The following CFAP47 variants were observed in gnomAD, a reference collection of about 807,000 sequenced individuals.
CFAP47 encodes cilia and flagella associated protein 47, also known as cilia- and flagella-associated protein 47.
In CFAP47, 29 loss-of-function variants were observed where a neutral mutation model predicts 148.1. That is an observed-to-expected ratio of 0.20 (90% CI 0.15 to 0.27). The LOEUF is 0.27. Ranked by LOEUF, CFAP47 falls within the 10% of genes least tolerant of loss-of-function variation. The pLI is 1.00. For missense variants in CFAP47, 1,872 were observed against 1,697.5 expected, an observed-to-expected ratio of 1.10 and a Z score of -1.81; for synonymous variants, 664 against 577.3, an observed-to-expected ratio of 1.15 and a Z score of -2.15.
chrX:36,311,748 C>T (rs148790899), intron 56 of CFAP47, among the ~76,000 whole-genome samples: 106 of 110,886 alleles, frequency 9.6e-4, no homozygotes, highest in African/African-American at 3.4e-3. Context: ...ACCTATTTTC[C>T]AGAACTGTGT....
chrX:36,216,132 T>A (rs891998900), intron 45 of CFAP47, among the ~76,000 whole-genome samples: 6 of 112,087 alleles, frequency 5.4e-5, no homozygotes, highest in African/African-American at 1.9e-4. Flanking sequence ...ATAGAATATC[T>A]GTGTGTCAGT....
intron 48 of CFAP47, among the ~76,000 whole-genome samples, chrX:36,250,951 A>C (rs1940683844): frequency 9.0e-6 from 1 of 111,180 alleles, no homozygotes; most frequent in African/African-American, 3.3e-5. Flanking sequence ...ATATTGATGT[A>C]GAAATTTATT....
intron 8 of CFAP47, among the ~76,000 whole-genome samples, chrX:35,958,388 C>T (rs6632434): frequency 0.098 from 10,815 of 110,867 alleles, 509 homozygotes; most frequent in East Asian, 0.29. Context: ...TGTTGAAATA[C>T]ACCTAAGAGT....
intron 62 of CFAP47, among the ~76,000 whole-genome samples, chrX:36,370,860 G>A (rs1468305205): frequency 9.0e-6 from 1 of 110,825 alleles, no homozygotes; most frequent in Admixed American, 9.7e-5. Context: ...GAAAAGGAAC[G>A]ACCCCCTGTC....
intron 33 of CFAP47, among the ~76,000 whole-genome samples, chrX:36,120,740 A>AT (rs59745709): frequency 0.11 from 11,289 of 102,617 alleles, 1,189 homozygotes; most frequent in African/African-American, 0.32. Flanking sequence ...GATATGATTC[A>AT]TTTTTTTTTT....
chrX:36,362,479 G>T (rs782774272), intron 61 of CFAP47, among the ~76,000 whole-genome samples: 46 of 112,710 alleles, frequency 4.1e-4, no homozygotes, highest in African/African-American at 1.3e-3. Flanking sequence ...ATCCATGGAA[G>T]GAGGACATGG....
intron 46 of CFAP47, among the ~76,000 whole-genome samples, chrX:36,232,459 A>G (rs1242632386): frequency 2.8e-4 from 31 of 111,357 alleles, no homozygotes; most frequent in African/African-American, 1.0e-3. Context: ...TGGTGGTGAT[A>G]TCCCCTTTAT....
intron 57 of CFAP47, among the ~76,000 whole-genome samples, chrX:36,345,621 C>T (rs1428154777): frequency 9.0e-6 from 1 of 111,601 alleles, no homozygotes; most frequent in Admixed American, 9.6e-5. Flanking sequence ...TAGTAAACAA[C>T]ATAATCTTTC....
At chrX:36,329,876 T>C (rs1319060491) in intron 57 of CFAP47, among the ~76,000 whole-genome samples, 1 of 111,905 alleles carries the variant, frequency 8.9e-6, no homozygotes, top group Non-Finnish European at 1.9e-5. Flanking sequence ...TGTAAAATGC[T>C]TAAAATAAAA....
chrX:36,234,234 C>T (rs1940417631), intron 46 of CFAP47, among the ~76,000 whole-genome samples: 2 of 110,275 alleles, frequency 1.8e-5, no homozygotes, highest in Admixed American at 9.6e-5. Flanking sequence ...CCATTCTCCC[C>T]GTCACTTTCA....
intron 48 of CFAP47, among the ~76,000 whole-genome samples, chrX:36,239,026 C>G (rs1476141902): frequency 8.9e-6 from 1 of 111,960 alleles, no homozygotes; most frequent in African/African-American, 3.2e-5. Flanking sequence ...TTTTAAAAAG[C>G]TTTTTAATAT....
At chrX:36,307,308 G>A (rs185363800) in intron 55 of CFAP47, among the ~76,000 whole-genome samples, 694 of 110,905 alleles carry the variant, frequency 6.3e-3, no homozygotes, top group African/African-American at 0.022. Context: ...ATAGTTTTTC[G>A]CTTTTGACAA....
chrX:36,185,580 T>C (rs1387815122), intron 40 of CFAP47, among the ~76,000 whole-genome samples: 2 of 112,197 alleles, frequency 1.8e-5, no homozygotes, highest in Admixed American at 1.9e-4. Context: ...TAGCGTTTTC[T>C]AAACACATAA....
At position 36,250,509 on chromosome X, in the gene CFAP47, A is replaced by T. The variant is rs1049592301; in HGVS notation, c.7333-824A>T. Reference sequence around the variant, plus strand: ...ATTAGAGCTTGTGTACAGCATGGTTATGATAATTATAACAACGTACTGTAT... The same window carrying T: ...ATTAGAGCTTGTGTACAGCATGGTTTTGATAATTATAACAACGTACTGTAT... On this transcript the variant is annotated intron_variant, in intron 48 of 63. Transcript: ENST00000378653. Among the ~76,000 whole-genome samples the T allele has an allele frequency of 1.5e-4, 17 of 110,648 alleles. No homozygotes were observed. In the Admixed American group the frequency reaches 1.6e-3, roughly 11 times the overall value.
intron 25 of CFAP47, among the ~76,000 whole-genome samples, chrX:36,045,585 G>A (rs367785607): frequency 1.8e-5 from 2 of 111,188 alleles, no homozygotes; most frequent in Non-Finnish European, 3.8e-5. Context: ...CATGGGGCTC[G>A]CTCAAAATGT....
intron 49 of CFAP47, among the ~76,000 whole-genome samples, chrX:36,263,847 A>G (rs1940858337): frequency 8.9e-6 from 1 of 112,084 alleles, no homozygotes; most frequent in African/African-American, 3.2e-5. Flanking sequence ...CCCTATAGCC[A>G]TCACAACTGG....
chrX:36,077,918 A>G (rs1330879370), intron 29 of CFAP47, among the ~76,000 whole-genome samples: 1 of 110,696 alleles, frequency 9.0e-6, no homozygotes. Context: ...AGTCTCAGCT[A>G]CTAGGGAGGC....
intron 39 of CFAP47, among the ~76,000 whole-genome samples, chrX:36,173,787 G>T (rs1457475711): frequency 8.9e-6 from 1 of 111,879 alleles, no homozygotes; most frequent in Non-Finnish European, 1.9e-5. Flanking sequence ...TTGATTTAGG[G>T]TGGAGAGTTC....
chrX:36,381,953 A>G (rs1942082323), intron 63 of CFAP47, among the ~76,000 whole-genome samples: 2 of 111,157 alleles, frequency 1.8e-5, no homozygotes, highest in Admixed American at 1.9e-4. Flanking sequence ...AACTAGAGAC[A>G]TAACCAGACA....
Sources: gnomAD v4.1 joint callset for allele counts (sites outside exome capture counted in the v4.1 genomes callset) on GRCh38, gnomAD v4.1.1 for gene constraint, MANE v1.5 for transcripts, NCBI Gene and HGNC (gene_info 2026-07-23, HGNC 2026-07-21) for gene names.